Variants in ACADVL observed in about 807,000 individuals in gnomAD.
The protein encoded by ACADVL is very long-chain acyl-CoA dehydrogenase, mitochondrial.
In ACADVL, 73 loss-of-function variants were observed where a neutral mutation model predicts 80.4. The ratio of observed to expected loss-of-function variants is 0.91; its 90% confidence interval spans 0.75 to 1.10. The LOEUF (loss-of-function observed/expected upper bound fraction) is 1.10. Among genes scored for constraint, ACADVL ranks in the 50% least tolerant of loss-of-function variants. ACADVL has a pLI of 0.00. For missense variants in ACADVL, 878 were observed against 858.9 expected, an observed-to-expected ratio of 1.02 and a Z score of -0.28; for synonymous variants, 392 against 326.5, an observed-to-expected ratio of 1.20 and a Z score of -2.16.
In ACADVL at chr17:7,221,075, G is replaced by T. The variant is rs375076326; in HGVS notation, c.477+17G>T. ...AACACCCAGGTGAGGGCGCCCTATC[G>T]CCACATCCCAGTATGCCATACCCCA... is the stretch of plus-strand genomic sequence containing the variant. On this transcript the variant is annotated intron_variant, in intron 6 of 19. Transcript: ENST00000356839. 4.6e-5 allele frequency: 74 copies of T among 1,612,676 alleles called. No individual in the cohort carries two copies. The highest frequency in any genetic ancestry group is 6.1e-5 in the Non-Finnish European group (72 of 1,180,008).
In ACADVL at chr17:7,221,855, G is replaced by T. The variant is rs2071244494; in HGVS notation, c.623-97G>T. The T allele has an allele frequency of 1.9e-6, 3 of 1,603,202 alleles. No homozygotes were observed. The South Asian group carries it at 3.3e-5, about 18-fold the overall frequency. On this transcript the variant is annotated intron_variant, in intron 7 of 19. Transcript: ENST00000356839. ...GCAAAAGAACTGGATACTCCCAGGT[G>T]TTAAGGGGGAACTGCCTGCTGGAGG... is the stretch of plus-strand genomic sequence containing the variant.
At chr17:7,223,928 A>G in intron 13 of ACADVL, 40 bp from the exon 14 acceptor site, 3 of 1,613,768 alleles carry the variant, frequency 1.9e-6, no homozygotes, top group Non-Finnish European at 1.7e-6. Context: ...GGGTAGGCAC[A>G]TCTCAGCACG....
Position 7,222,752 on chromosome 17 carries a change from G to C in ACADVL, c.964G>C (p.Val322Leu). 6.2e-7 allele frequency: 1 copy of C among 1,614,120 alleles called. No individual in the cohort carries two copies. The highest frequency in any genetic ancestry group is 8.5e-7 in the Non-Finnish European group (1 of 1,180,016). Residue 322 changes from valine to leucine, a missense_variant, in exon 10 of 20, where the codon GTG becomes CTG. By Grantham distance (32) the Val-to-Leu change is conservative (BLOSUM62 1). Transcript: ENST00000356839. Reference sequence around the variant, plus strand: ...TGGAGTACGGGTGCCATCGGAGAACGTGCTGGGTGAGGTTGGGAGTGGCTT... The same window carrying C: ...TGGAGTACGGGTGCCATCGGAGAACCTGCTGGGTGAGGTTGGGAGTGGCTT... The part of the protein sequence containing the change: ...FDGVRVPSEN[V>L]LGEVGSGFKV...
chr17:7,222,421 G>A lies in ACADVL; in HGVS notation c.878+119G>A. ...AAAAGCCAAAGCAGGTGGACTGAAT[G>A]TGGCCTTTGGGACTAATATGTATGC... On this transcript the variant is annotated intron_variant, in intron 9 of 19. Transcript: ENST00000356839. The A allele has an allele frequency of 4.8e-6, 7 of 1,447,460 alleles. 1 individual carries two copies. In the Admixed American group the frequency reaches 8.5e-5, roughly 17 times the overall value. 89.7% of individuals were successfully genotyped at this position (1,447,460 alleles called of 1,614,324 possible). A position where few individuals can be genotyped will look rare whatever the true frequency, so the allele number is the denominator to read the frequency against.
At chr17:7,218,723 T>C (rs1597511289), upstream of ACADVL, 1 of 1,557,302 alleles carries the variant, frequency 6.4e-7, no homozygotes, top group Non-Finnish European at 8.8e-7. Flanking sequence ...CCCCAGACTG[T>C]GCCCTTCACC....
chr17:7,224,098 GGT>G (rs1567568015), intron 14 of ACADVL, 29 bp downstream of exon 14: 1 of 1,613,956 alleles, frequency 6.2e-7, no homozygotes, highest in East Asian at 2.2e-5. Flanking sequence ...TGGGGGTAGA[GGT>G]GGGGAGGACA....
At position 7,220,760 on chromosome 17, in the gene ACADVL, C is replaced by T. The variant is rs1008843538; in HGVS notation, c.278-6C>T. 3 of 1,614,068 alleles carry T rather than the reference C, an allele frequency of 1.9e-6. No individual in the cohort carries two copies. In the African/African-American group the frequency reaches 4.0e-5, roughly 22 times the overall value. On this transcript the variant is annotated splice_region_variant and splice_polypyrimidine_tract_variant and intron_variant, in intron 4 of 19. Transcript: ENST00000356839. ...GCCTGACCAGCCTGTCCCCCACCCT[C>T]TGCAGTGCTCAACGAAGAGCAGACA...
intron 4 of ACADVL, 28 bp downstream of exon 4, chr17:7,220,704 T>G (rs1409471483): frequency 6.2e-7 from 1 of 1,614,006 alleles, no homozygotes; most frequent in East Asian, 2.2e-5. Flanking sequence ...CAGAGCTGGG[T>G]GGGGCCAGGG....
rs1293209621 is a variant in ACADVL at position 7,222,002 on chromosome 17, G to A, written c.673G>A (p.Ala225Thr). ...CLTEPSSGSD[A>T]ASIRTSAVPS... Reference sequence around the variant, plus strand: ...AACCGAGCCCTCAAGCGGGTCAGATGCAGCCTCCATCCGAACCTCTGCTGT... The same window carrying A: ...AACCGAGCCCTCAAGCGGGTCAGATACAGCCTCCATCCGAACCTCTGCTGT... Residue 225 changes from alanine to threonine, a missense_variant, in exon 8 of 20, where the codon GCA becomes ACA. Coordinates refer to ENST00000356839, the MANE Select transcript of ACADVL (RefSeq NM_000018.4). The A allele has an allele frequency of 6.2e-7, 1 of 1,614,106 alleles. No individual in the cohort carries two copies. Among genetic ancestry groups the A allele is most frequent in the Admixed American group, 1.7e-5 (1 of 60,024 alleles).
chr17:7,222,966 A>C, intron 10 of ACADVL, 101 bp downstream of exon 10: 1 of 1,490,518 alleles, frequency 6.7e-7, no homozygotes, highest in Non-Finnish European at 9.2e-7. Flanking sequence ...TACACTAGAA[A>C]CTCCTCCCCT....
chr17:7,219,766 TGG>T, upstream of ACADVL: 1 of 1,479,386 alleles, frequency 6.8e-7, no homozygotes, highest in Non-Finnish European at 9.0e-7. Context: ...TTAAGGAGTT[TGG>T]GGGAGACGAG....
intron 11 of ACADVL, 73 bp downstream of exon 11, chr17:7,223,310 A>T: frequency 7.2e-7 from 1 of 1,380,316 alleles, no homozygotes; most frequent in Non-Finnish European, 1.0e-6. Context: ...TACAACCCCC[A>T]GCAGCACCTG....
chr17:7,220,335 G>T, intron 2 of ACADVL, 129 bp from the exon 3 acceptor site: 1 of 1,538,466 alleles, frequency 6.5e-7, no homozygotes, highest in African/African-American at 1.4e-5. Flanking sequence ...GGGCAAGCCA[G>T]GGTGCCCTAG....
Position 7,223,148 on chromosome 17 carries a change from A to G in ACADVL, c.1093A>G (p.Asn365Asp), listed in dbSNP as rs988045058. ...CCTCTTCCAGGTAGATCATGCCACT[A>G]ATCGTACCCAGTTTGGGGAGAAAAT... ...IIAKAVDHAT[N>D]RTQFGEKIHN... The change falls in exon 11 of 20, where the codon AAT becomes GAT. Residue 365 changes from asparagine to aspartate, a missense_variant. Asn to Asp is a conservative substitution (Grantham distance 23). Transcript: ENST00000356839. 1.9e-6 allele frequency: 3 copies of G among 1,613,740 alleles called. No homozygotes were observed. The highest frequency in any genetic ancestry group is 2.5e-6 in the Non-Finnish European group (3 of 1,179,658).
chr17:7,225,086 C>G lies in ACADVL; in HGVS notation c.1957C>G (p.Leu653Val), dbSNP rs983320737. 6.2e-7 allele frequency: 1 copy of G among 1,613,988 alleles called. No individual in the cohort carries two copies. The highest frequency in any genetic ancestry group is 1.3e-5 in the African/African-American group (1 of 74,932). The change falls in exon 20 of 20, where the codon CTT becomes GTT. Residue 653 changes from leucine (L) to valine (V), a missense_variant. Leu to Val is a conservative substitution (Grantham distance 32). Coordinates refer to ENST00000356839, the MANE Select transcript of ACADVL (RefSeq NM_000018.4). Reference protein sequence around the residue: ...ERGGVVTSNPLGF With the variant: ...ERGGVVTSNPVGF ...GGGTGGTGTGGTCACCAGCAACCCA[C>G]TTGGCTTCTGAATACTCCCGGCCAG... is the stretch of plus-strand genomic sequence containing the variant.
rs935961406 is a variant in ACADVL at position 7,221,219 on chromosome 17, C to T, written c.477+161C>T. On this transcript the variant is annotated intron_variant, in intron 6 of 19. Transcript: ENST00000356839. ...AACTGTCCAAACATAACACAATTTA[C>T]ATGCAGTCCCCTAGGCCTGAGCCAT... The T allele has an allele frequency of 7.1e-6, 9 of 1,259,080 alleles. No individual in the cohort carries two copies. In the African/African-American group the frequency reaches 1.2e-4, roughly 17 times the overall value. 78.0% of individuals were successfully genotyped at this position (1,259,080 alleles called of 1,614,324 possible). A position where few individuals can be genotyped will look rare whatever the true frequency, so the allele number is the denominator to read the frequency against.
rs145289505 is a variant in ACADVL, at chr17:7,221,165, C to T, written c.477+107C>T. 577 of 1,570,686 alleles carry T rather than the reference C, an allele frequency of 3.7e-4. 2 individuals are homozygous for T. In the African/African-American group the frequency reaches 6.8e-3, roughly 18 times the overall value. On this transcript the variant is annotated intron_variant, in intron 6 of 19. Transcript: ENST00000356839. ...TAGGGCTAAGGTCTCTTCTAAGCAC[C>T]TGCCCTGGGTGCCTGTGGGATGGAT... is the stretch of plus-strand genomic sequence containing the variant.
intron 11 of ACADVL, 71 bp from the exon 12 acceptor site, chr17:7,223,573 T>C (rs1411232156): frequency 6.5e-7 from 1 of 1,526,910 alleles, no homozygotes. Flanking sequence ...CTTGGAGATC[T>C]GGGTGATGAG....
chr17:7,221,010 T>C lies in ACADVL; in HGVS notation c.429T>C (p.Gly143=). 1 of 1,613,844 alleles carries C rather than the reference T, an allele frequency of 6.2e-7. No homozygotes were observed. Among genetic ancestry groups the C allele is most frequent in the Non-Finnish European group, 8.5e-7 (1 of 1,179,956 alleles). The change falls in exon 6 of 20, where the codon GGT becomes GGC. Residue 143 remains glycine (G), a synonymous_variant. Transcript: ENST00000356839. ...GCCTCAAGGAGCTGGGGGCCTTTGGTCTGCAAGTGCCCAGTGAGCTGGGTG... is the reference window on the plus strand; with the variant it reads ...GCCTCAAGGAGCTGGGGGCCTTTGGCCTGCAAGTGCCCAGTGAGCTGGGTG... ...WQGLKELGAF[G]LQVPSELGGV... is the part of the protein sequence containing the mutation.
Sources: gnomAD v4.1 joint callset for allele counts on GRCh38, gnomAD v4.1.1 for gene constraint, MANE v1.5 for transcripts, NCBI Gene and HGNC (gene_info 2026-07-23, HGNC 2026-07-21) for gene names.